The following NTN1 variants were observed in gnomAD, a reference collection of about 807,000 sequenced individuals.
NTN1 encodes netrin-1.
A neutral mutation model predicts 54.2 loss-of-function variants in NTN1; 11 were observed. The observed-to-expected ratio is 0.20, with a 90% CI of 0.13 to 0.34. The LOEUF (loss-of-function observed/expected upper bound fraction) is 0.34, where lower values mean the gene tolerates loss of function less well. Among genes scored for constraint, NTN1 ranks in the 10% least tolerant of loss-of-function variants. NTN1 has a pLI of 1.00. For missense variants in NTN1, 740 were observed against 893.1 expected, an observed-to-expected ratio of 0.83 and a Z score of 2.18; for synonymous variants, 371 against 382.0, an observed-to-expected ratio of 0.97 and a Z score of 0.33.
chr17:9,067,836 C>G (rs1317915078), intron 2 of NTN1, among the ~76,000 whole-genome samples: 1 of 152,172 alleles, frequency 6.6e-6, no homozygotes, highest in Non-Finnish European at 1.5e-5. Context: ...GTCCATCCCT[C>G]GGCAGCCAGG....
At position 9,162,830 on chromosome 17, in the gene NTN1, C is replaced by G; in HGVS notation, c.1036C>G (p.His346Asp). ...NECVACNCNLHARRCRFNMEL... is the reference protein window; with the variant it reads ...NECVACNCNLDARRCRFNMEL... ...CCCTGCAGCCTGTAACTGCAACCTG[C>G]ATGCCCGGCGCTGCCGCTTCAACAT... The change falls in exon 3 of 7, where the codon CAT (histidine) becomes GAT (aspartate). Residue 346 changes from histidine (H) to aspartate (D), a missense_variant. His to Asp is a moderately conservative substitution (Grantham distance 81, BLOSUM62 -1). Coordinates refer to ENST00000173229, the MANE Select transcript of NTN1 (RefSeq NM_004822.3). The G allele has an allele frequency of 6.2e-7, 1 of 1,612,848 alleles. No individual in the cohort carries two copies.
intron 3 of NTN1, among the ~76,000 whole-genome samples, chr17:9,172,108 G>A (rs973005898): frequency 2.0e-5 from 3 of 152,066 alleles, no homozygotes; most frequent in East Asian, 2.0e-4. Flanking sequence ...GGCTGGTCTC[G>A]AACTCCCAAC....
At chr17:9,204,996 C>T (rs919569062) in intron 5 of NTN1, among the ~76,000 whole-genome samples, 2 of 151,810 alleles carry the variant, frequency 1.3e-5, no homozygotes, top group Non-Finnish European at 2.9e-5. Flanking sequence ...CCAGGTTTCA[C>T]ACTTTCTTCT....
At chr17:9,207,675 C>T (rs1281032283) in intron 5 of NTN1, among the ~76,000 whole-genome samples, 2 of 152,186 alleles carry the variant, frequency 1.3e-5, no homozygotes, top group Non-Finnish European at 2.9e-5. Flanking sequence ...CATCAGTAGT[C>T]TGAGACCATT....
intron 2 of NTN1, among the ~76,000 whole-genome samples, chr17:9,032,719 T>C (rs920984987): frequency 6.6e-6 from 1 of 152,206 alleles, no homozygotes; most frequent in Non-Finnish European, 1.5e-5. Flanking sequence ...GGCAGAGCTG[T>C]TGGACACGGC....
At chr17:9,158,572 G>T (rs2142295240) in intron 2 of NTN1, among the ~76,000 whole-genome samples, 1 of 152,308 alleles carries the variant, frequency 6.6e-6, no homozygotes, top group African/African-American at 2.4e-5. Flanking sequence ...CCAGTGATAG[G>T]GGTCTTTTCC....
At chr17:9,062,842 A>G (rs749481338) in intron 2 of NTN1, among the ~76,000 whole-genome samples, 1 of 152,164 alleles carries the variant, frequency 6.6e-6, no homozygotes, top group Non-Finnish European at 1.5e-5. Flanking sequence ...AGCTCGTAGT[A>G]GAAATGTAAC....
At chr17:9,054,405 T>C (rs976435331) in intron 2 of NTN1, among the ~76,000 whole-genome samples, 14 of 152,202 alleles carry the variant, frequency 9.2e-5, no homozygotes, top group Admixed American at 5.9e-4. Context: ...GGAAATTGGC[T>C]TCCACTTTCT....
At chr17:9,147,038 GC>G (rs1050072595) in intron 2 of NTN1, among the ~76,000 whole-genome samples, 4 of 152,154 alleles carry the variant, frequency 2.6e-5, no homozygotes, top group African/African-American at 9.7e-5. Flanking sequence ...CAGCTATGGA[GC>G]CACCATCTCT....
chr17:9,208,303 A>G (rs533686371), intron 5 of NTN1, among the ~76,000 whole-genome samples: 2 of 152,218 alleles, frequency 1.3e-5, no homozygotes, highest in Admixed American at 1.3e-4. Flanking sequence ...AATAATTGCA[A>G]AGGGTGCTGG....
At chr17:9,111,639 G>C (rs1239970244) in intron 2 of NTN1, among the ~76,000 whole-genome samples, 1 of 152,174 alleles carries the variant, frequency 6.6e-6, no homozygotes, top group Admixed American at 6.5e-5. Context: ...CTAATAGCCT[G>C]TTGACAGGAA....
Position 9,084,644 on chromosome 17 carries a change from A to AGTTTTTTT in NTN1, c.1018+61254_1018+61261dup, listed in dbSNP as rs1567706640. On this transcript the variant is annotated intron_variant, in intron 2 of 6. Coordinates refer to ENST00000173229, the MANE Select transcript of NTN1 (RefSeq NM_004822.3). ...CTTCAGCTTTGGCTTTGTTCTTTGC[A>AGTTTTTTT]GTTTTTTTTTTTTTTTTTTTTTTTT... is the stretch of plus-strand genomic sequence containing the variant. Among the ~76,000 whole-genome samples, 4 of 115,464 alleles carry AGTTTTTTT rather than the reference A, an allele frequency of 3.5e-5. 1 individual carries two copies. Among genetic ancestry groups the AGTTTTTTT allele is most frequent in the African/African-American group, 9.2e-5 (3 of 32,588 alleles). The allele number at this position is 115,464 out of a possible 152,430, so 75.7% of individuals were successfully genotyped here. A position where few individuals can be genotyped will look rare whatever the true frequency, so the allele number is the denominator to read the frequency against.
At chr17:9,115,706 T>C (rs1468485277) in intron 2 of NTN1, among the ~76,000 whole-genome samples, 1 of 152,196 alleles carries the variant, frequency 6.6e-6, no homozygotes, top group African/African-American at 2.4e-5. Context: ...GGCTCTGACA[T>C]TTCCCGGGGC....
intron 2 of NTN1, among the ~76,000 whole-genome samples, chr17:9,102,863 G>A (rs2092154912): frequency 6.6e-6 from 1 of 152,192 alleles, no homozygotes; most frequent in African/African-American, 2.4e-5. Context: ...ACTAAAAGAA[G>A]CCAGATGCAT....
Position 9,038,265 on chromosome 17 carries a change from C to CACACACACACACACACACA in NTN1, c.1018+14874_1018+14875insACACACACACACACACACA, listed in dbSNP as rs55982115. Among the ~76,000 whole-genome samples the CACACACACACACACACACA allele has an allele frequency of 6.0e-4, 86 of 144,174 alleles. 2 individuals carry two copies. Among genetic ancestry groups the CACACACACACACACACACA allele is most frequent in the African/African-American group, 2.0e-3 (76 of 37,724 alleles). The allele number at this position is 144,174 out of a possible 152,430, so 94.6% of individuals were successfully genotyped here. A position where few individuals can be genotyped will look rare whatever the true frequency, so the allele number is the denominator to read the frequency against. On this transcript the variant is annotated intron_variant, in intron 2 of 6. Coordinates refer to ENST00000173229, the MANE Select transcript of NTN1 (RefSeq NM_004822.3). Reference sequence around the variant, plus strand: ...TGTCTTCTCCTCTCTTTCTCTCTCTCCACACACACACACACCTGAGATCAC... The same window carrying CACACACACACACACACACA: ...TGTCTTCTCCTCTCTTTCTCTCTCTCACACACACACACACACACACACACACACACACACCTGAGATCAC...
intron 2 of NTN1, among the ~76,000 whole-genome samples, chr17:9,039,387 T>C (rs1174857896): frequency 6.6e-6 from 1 of 152,250 alleles, no homozygotes; most frequent in Non-Finnish European, 1.5e-5. Context: ...GATTTGATTA[T>C]TTAAATGTAC....
rs34556932 is a variant in NTN1, at chr17:9,059,828, C to CA, written c.1018+36456dup. Reference sequence around the variant, plus strand: ...TGTTTTGTGAATTTCACCTCAATTACAAAAAAAAAAAAAAAAAAAGACCCT... The same window carrying CA: ...TGTTTTGTGAATTTCACCTCAATTACAAAAAAAAAAAAAAAAAAAAGACCCT... On this transcript the variant is annotated intron_variant, in intron 2 of 6. Coordinates refer to ENST00000173229, the MANE Select transcript of NTN1 (RefSeq NM_004822.3). Among the ~76,000 whole-genome samples, 522 of 140,856 alleles carry CA rather than the reference C, an allele frequency of 3.7e-3. 4 individuals carry two copies. The highest frequency in any genetic ancestry group is 6.0e-3 in the Non-Finnish European group (385 of 64,600). The allele number at this position is 140,856 out of a possible 152,430, so 92.4% of individuals were successfully genotyped here.
rs142062154 is a variant in NTN1, at chr17:9,076,051, A to G, written c.1018+52660A>G. ...AGGTCATTTTTAAAAACTGCTGGTC[A>G]GAGAGAGGAGGTGATTCCCCATGGT... On this transcript the variant is annotated intron_variant, in intron 2 of 6. Coordinates refer to ENST00000173229, the MANE Select transcript of NTN1 (RefSeq NM_004822.3). Among the ~76,000 whole-genome samples the G allele has an allele frequency of 7.6e-3, 1,158 of 152,338 alleles. 17 individuals carry two copies. Among genetic ancestry groups the G allele is most frequent in the African/African-American group, 0.026 (1,090 of 41,566 alleles).
intron 6 of NTN1, among the ~76,000 whole-genome samples, chr17:9,229,718 G>T (rs1370692622): frequency 6.6e-6 from 1 of 152,192 alleles, no homozygotes; most frequent in Non-Finnish European, 1.5e-5. Flanking sequence ...TAGTGGCAGG[G>T]ATGTTGGTGG....
Sources: gnomAD v4.1 joint callset for allele counts (sites outside exome capture counted in the v4.1 genomes callset) on GRCh38, gnomAD v4.1.1 for gene constraint, MANE v1.5 for transcripts, NCBI Gene and HGNC (gene_info 2026-07-23, HGNC 2026-07-21) for gene names.